CCDC136: variants seen among roughly 807,000 people sequenced by gnomAD.
CCDC136 encodes the protein coiled-coil domain-containing protein 136.
In CCDC136, 100 loss-of-function variants were observed where a neutral mutation model predicts 141.2. The observed-to-expected ratio is 0.71, with a 90% confidence interval of 0.60 to 0.84. The LOEUF (loss-of-function observed/expected upper bound fraction) is 0.84. Among genes scored for constraint, CCDC136 ranks in the 40% least tolerant of loss-of-function variants. The probability of loss-of-function intolerance (pLI) is 0.00; values close to 1 mark genes in which losing one functional copy is unlikely to be tolerated. For missense variants in CCDC136, 1,206 were observed against 1,379.4 expected, an observed-to-expected ratio of 0.87 and a Z score of 1.99; for synonymous variants, 474 against 531.9, an observed-to-expected ratio of 0.89 and a Z score of 1.50.
At position 128,792,280 on chromosome 7, in the gene CCDC136, G is replaced by GCCCC; in HGVS notation, c.-129_-126dup. 1 of 1,334,788 alleles carries GCCCC rather than the reference G, an allele frequency of 7.5e-7. No homozygotes were observed. The highest frequency in any genetic ancestry group is 1.0e-6 in the Non-Finnish European group (1 of 998,240). 82.7% of individuals were successfully genotyped at this position (1,334,788 alleles called of 1,614,324 possible). ...TCCTCTGCACCCCAGCCCGCAGCCA[G>GCCCC]CCCCCCACCCCCCAGCCCCTCCTTT... On this transcript the variant is annotated 5_prime_UTR_variant, in exon 1 of 18. An upstream open reading frame in the 5' UTR loses its in-frame stop. Transcript: ENST00000297788.
At chr7:128,793,713 G>A (rs1274501518) in intron 1 of CCDC136, among the ~76,000 whole-genome samples, 3 of 152,146 alleles carry the variant, frequency 2.0e-5, no homozygotes, top group African/African-American at 7.2e-5. Flanking sequence ...AGGTTCAAGC[G>A]ATTCTCCTGC....
At chr7:128,808,558 G>A in intron 10 of CCDC136, 2 of 985,416 alleles carry the variant, frequency 2.0e-6, no homozygotes, top group Non-Finnish European at 1.2e-6. Flanking sequence ...GTTGAAGCAT[G>A]TTGGAGAAGA....
Position 128,805,302 on chromosome 7 carries a change from G to T in CCDC136, c.783-57G>T. 1 of 1,528,962 alleles carries T rather than the reference G, an allele frequency of 6.5e-7. No individual in the cohort carries two copies. Among genetic ancestry groups the T allele is most frequent in the Non-Finnish European group, 9.0e-7 (1 of 1,110,548 alleles). 94.7% of individuals were successfully genotyped at this position (1,528,962 alleles called of 1,614,324 possible). Reference sequence around the variant, plus strand: ...AAGGTATCAGGACAAAGCCTGCATGGCTGGTGATGCCAGGCAGAACTCCCT... The same window carrying T: ...AAGGTATCAGGACAAAGCCTGCATGTCTGGTGATGCCAGGCAGAACTCCCT... On this transcript the variant is annotated intron_variant, in intron 5 of 17. Transcript: ENST00000297788. This position sits in a 1 kb window ranked among gnomAD's most constrained non-coding sequence, Gnocchi z 4.6.
At chr7:128,797,370 AT>A (rs1317771070) in intron 3 of CCDC136, among the ~76,000 whole-genome samples, 2 of 152,230 alleles carry the variant, frequency 1.3e-5, no homozygotes, top group African/African-American at 4.8e-5. Flanking sequence ...TCCATGGGAA[AT>A]AATGGTGCAG....
intron 3 of CCDC136, among the ~76,000 whole-genome samples, chr7:128,796,701 G>T (rs570576188): frequency 2.0e-5 from 3 of 147,396 alleles, no homozygotes; most frequent in African/African-American, 7.6e-5. Flanking sequence ...AGTTAGGGCT[G>T]TAGAAATGGA....
chr7:128,804,746 A>ATCTGGAGAGTGAGAGGTACAGCTGTC lies in CCDC136; in HGVS notation c.782+3_782+28dup, dbSNP rs1463488561. 2.0e-5 allele frequency: 32 copies of ATCTGGAGAGTGAGAGGTACAGCTGTC among 1,593,286 alleles called. No homozygotes were observed. In the Admixed American group the frequency reaches 5.2e-4, roughly 26 times the overall value. ...AGCAGCCTCACGGGGCAGCTTGCAG[A>ATCTGGAGAGTGAGAGGTACAGCTGTC]TCTGGAGAGTGAGAGGTACAGCTGT... On this transcript the variant is annotated frameshift_variant, in exon 5 of 18. Coordinates refer to ENST00000297788, the MANE Select transcript of CCDC136 (RefSeq NM_022742.5). LOFTEE classifies it high-confidence loss of function.
rs1275655926 is a variant in CCDC136, at chr7:128,816,014, G to A, written c.3363+83G>A. The A allele has an allele frequency of 6.5e-6, 9 of 1,381,028 alleles. No individual in the cohort carries two copies. The South Asian group carries it at 1.3e-4, about 20-fold the overall frequency. 85.5% of individuals were successfully genotyped at this position (1,381,028 alleles called of 1,614,324 possible). ...CCGAGTTAATGGGTGGCCCTGCCAA[G>A]GATGGATATCTCCAGGAGTGGAGGC... On this transcript the variant is annotated intron_variant, in intron 16 of 17. Transcript: ENST00000297788.
upstream of CCDC136, chr7:128,790,913 CT>C (rs1486654994): frequency 6.6e-6 from 1 of 151,828 alleles, no homozygotes; most frequent in Admixed American, 6.6e-5. This position sits in a 1 kb window ranked among gnomAD's most constrained non-coding sequence, Gnocchi z 5.4. Flanking sequence ...GGCCCCCAGG[CT>C]GCCGAGGGGC....
At chr7:128,816,824 G>T (rs1483974245) in intron 16 of CCDC136, among the ~76,000 whole-genome samples, 1 of 152,182 alleles carries the variant, frequency 6.6e-6, no homozygotes, top group Admixed American at 6.5e-5. Flanking sequence ...AAGAAAAAAA[G>T]CCTCTTGTGG....
At chr7:128,818,144 T>G in intron 17 of CCDC136, 1 of 382,116 alleles carries the variant, frequency 2.6e-6, no homozygotes, top group Non-Finnish European at 4.8e-6. Context: ...TAAGCCCAGC[T>G]TGGTTGCTGC....
intron 3 of CCDC136, among the ~76,000 whole-genome samples, chr7:128,798,011 G>A (rs1220106636): frequency 6.6e-6 from 1 of 150,440 alleles, no homozygotes; most frequent in Non-Finnish European, 1.5e-5. Flanking sequence ...TCCGCCTCCC[G>A]GGTTCACGCC....
upstream of CCDC136, chr7:128,791,958 TCCTC>T (rs1374913547): frequency 4.2e-5 from 39 of 929,568 alleles, no homozygotes; most frequent in East Asian, 4.0e-4. This position sits in a 1 kb window ranked among gnomAD's most constrained non-coding sequence, Gnocchi z 7.1. Context: ...CGCCCCCCAC[TCCTC>T]CCTCCCTCCA....
intron 4 of CCDC136, among the ~76,000 whole-genome samples, chr7:128,802,826 A>G (rs997538912): frequency 3.9e-5 from 6 of 152,206 alleles, no homozygotes; most frequent in African/African-American, 1.4e-4. Flanking sequence ...TCTAAAATTC[A>G]AAGTTTATTT....
chr7:128,814,853 G>A lies in CCDC136; in HGVS notation c.2979G>A (p.Gly993=). 1 of 1,609,000 alleles carries A rather than the reference G, an allele frequency of 6.2e-7. No homozygotes were observed. The highest frequency in any genetic ancestry group is 1.3e-5 in the African/African-American group (1 of 74,968). Residue 993 remains glycine (G), a synonymous_variant, in exon 15 of 18, where the codon GGG becomes GGA. Transcript: ENST00000297788. The part of the protein sequence containing the change: ...ANKNMNKNAN[G]VKMKKVTKPC... ...AGAACATGAACAAGAATGCCAATGGGGTTAAAATGAAAAAGGTGACCAAGC... is the reference window on the plus strand; with the variant it reads ...AGAACATGAACAAGAATGCCAATGGAGTTAAAATGAAAAAGGTGACCAAGC...
intron 10 of CCDC136, 153 bp downstream of exon 10, chr7:128,807,698 G>T: frequency 2.1e-6 from 1 of 470,834 alleles, no homozygotes. Flanking sequence ...CTTCAAAATT[G>T]TTTGCCCTGA....
In CCDC136 at chr7:128,799,197, A is replaced by AAT. The variant is rs1162924208; in HGVS notation, c.347-1989_347-1988insAT. ...TAAAAAAAAAAAAAAAAAAAAAAAA[A>AAT]GCAGGGCATGGTAGCCCATGCCTGT... On this transcript the variant is annotated intron_variant, in intron 3 of 17. Transcript: ENST00000297788. Among the ~76,000 whole-genome samples, 892 of 138,482 alleles carry AAT rather than the reference A, an allele frequency of 6.4e-3. 4 individuals carry two copies. Among genetic ancestry groups the AAT allele is most frequent in the South Asian group, 0.018 (74 of 4,156 alleles). 90.8% of individuals were successfully genotyped at this position (138,482 alleles called of 152,430 possible).
chr7:128,799,338 T>C lies in CCDC136; in HGVS notation c.347-1848T>C, dbSNP rs114659647. Among the ~76,000 whole-genome samples the C allele has an allele frequency of 3.5e-3, 537 of 151,952 alleles. 6 individuals are homozygous for C. Among genetic ancestry groups the C allele is most frequent in the African/African-American group, 0.012 (508 of 41,410 alleles). ...CAGCCTGGGCAACAGAACAAGACTG[T>C]CTCAAAAACAGAAAGGAAAACCCCC... On this transcript the variant is annotated intron_variant, in intron 3 of 17. Transcript: ENST00000297788.
intron 17 of CCDC136, chr7:128,818,196 C>T (rs564157042): frequency 6.7e-5 from 19 of 285,564 alleles, no homozygotes; most frequent in Non-Finnish European, 1.3e-4. Flanking sequence ...CGCTCATCCT[C>T]TGTGTGATGG....
rs548069069 is a variant in CCDC136 at position 128,803,080 on chromosome 7, C to T, written c.671-1570C>T. 1.5e-4 allele frequency among the ~76,000 whole-genome samples: 23 copies of T among 152,292 alleles called. No homozygotes were observed. The South Asian group carries it at 3.1e-3, about 21-fold the overall frequency. ...GTTACTTTTAGGGTGTTGAATCTTC[C>T]AGCAGGTAAGATAGGTCTTGTGTTC... On this transcript the variant is annotated intron_variant, in intron 4 of 17. Transcript: ENST00000297788.
Sources: allele counts gnomAD v4.1 joint callset (sites outside exome capture counted in the v4.1 genomes callset), GRCh38; gene constraint gnomAD v4.1.1; non-coding constraint Gnocchi (gnomAD v3.1); transcripts MANE v1.5; gene names NCBI Gene and HGNC (gene_info 2026-07-23, HGNC 2026-07-21).